SGCD: variants seen among roughly 807,000 people sequenced by gnomAD.
SGCD encodes the protein sarcoglycan delta.
SGCD carries 18 observed loss-of-function variants against 36.6 expected under a neutral mutation model. The ratio of observed to expected loss-of-function variants is 0.49; its 90% CI spans 0.34 to 0.73. The LOEUF (loss-of-function observed/expected upper bound fraction) is 0.73, where lower values mean the gene tolerates loss of function less well. Among genes scored for constraint, SGCD ranks in the 30% least tolerant of loss-of-function variants. The pLI is 0.01. For missense variants in SGCD, 387 were observed against 346.7 expected, an observed-to-expected ratio of 1.12 and a Z score of -0.92; for synonymous variants, 133 against 130.6, an observed-to-expected ratio of 1.02 and a Z score of -0.12.
chr5:156,463,739 A>G (rs947297823), intron 3 of SGCD, among the ~76,000 whole-genome samples: 6 of 152,124 alleles, frequency 3.9e-5, no homozygotes, highest in African/African-American at 1.4e-4. Context: ...GCGTGCTAGT[A>G]ATCCCAACAC....
chr5:156,201,487 T>G (rs1764149895), intron 3 of SGCD, among the ~76,000 whole-genome samples: 1 of 152,164 alleles, frequency 6.6e-6, no homozygotes, highest in Non-Finnish European at 1.5e-5. Flanking sequence ...TGTCTTACGT[T>G]GACATTAAAG....
At chr5:156,019,400 GA>G (rs147274023) in intron 1 of SGCD, among the ~76,000 whole-genome samples, 20 of 149,816 alleles carry the variant, frequency 1.3e-4, no homozygotes, top group South Asian at 2.1e-4. Context: ...TCCAAAGGCT[GA>G]AAAAAAAAGC....
chr5:156,672,011 C>G (rs1026770424), intron 7 of SGCD, among the ~76,000 whole-genome samples: 12 of 152,122 alleles, frequency 7.9e-5, no homozygotes, highest in Non-Finnish European at 1.8e-4. Flanking sequence ...GGACCTGCCC[C>G]CATGACCCAA....
chr5:156,486,245 G>C (rs1011157146), intron 3 of SGCD, among the ~76,000 whole-genome samples: 1 of 151,974 alleles, frequency 6.6e-6, no homozygotes, highest in African/African-American at 2.4e-5. Flanking sequence ...GGTGCATCTA[G>C]ATCTTCAGAA....
intron 6 of SGCD, among the ~76,000 whole-genome samples, chr5:156,619,070 G>A (rs1762136240): frequency 6.7e-6 from 1 of 150,300 alleles, no homozygotes; most frequent in Admixed American, 6.6e-5. Flanking sequence ...CTGTTGCCCA[G>A]GCTGGAGTGC....
chr5:156,174,027 A>G (rs745403507), intron 3 of SGCD, among the ~76,000 whole-genome samples: 7 of 152,192 alleles, frequency 4.6e-5, no homozygotes, highest in Non-Finnish European at 8.8e-5. Context: ...TTAAAAACTC[A>G]TTGTAAAGTA....
intron 1 of SGCD, among the ~76,000 whole-genome samples, chr5:156,062,068 G>T (rs1343712385): frequency 3.6e-5 from 3 of 83,812 alleles, no homozygotes; most frequent in Non-Finnish European, 6.5e-5. Context: ...ATCTCCCAAT[G>T]CTATCCCTCC....
At chr5:155,849,511 A>G in the SGCD span, among the ~76,000 whole-genome samples, 1 of 152,080 alleles carries the variant, frequency 6.6e-6, no homozygotes, top group Non-Finnish European at 1.5e-5. Flanking sequence ...GCAAAAATAC[A>G]TTTCCCCCAT....
At chr5:156,342,507 G>A (rs1768714347) in intron 2 of SGCD, among the ~76,000 whole-genome samples, 1 of 152,212 alleles carries the variant, frequency 6.6e-6, no homozygotes, top group Non-Finnish European at 1.5e-5. Context: ...CATAGAATAT[G>A]ATCTGATGGA....
At chr5:156,294,017 A>G (rs183079749) in intron 3 of SGCD, among the ~76,000 whole-genome samples, 1 of 152,088 alleles carries the variant, frequency 6.6e-6, no homozygotes, top group East Asian at 1.9e-4. Context: ...TTCAGAATCG[A>G]TTTGTAGTTT....
intron 1 of SGCD, among the ~76,000 whole-genome samples, chr5:156,080,323 C>A (rs748766303): frequency 6.6e-6 from 1 of 152,150 alleles, no homozygotes; most frequent in African/African-American, 2.4e-5. Flanking sequence ...CTGTGAAGTG[C>A]CTTCTAGGCC....
chr5:156,251,547 G>T (rs540288586), intron 3 of SGCD, among the ~76,000 whole-genome samples: 2 of 149,080 alleles, frequency 1.3e-5, no homozygotes, highest in African/African-American at 2.5e-5. Context: ...ATGGATTCTC[G>T]CTGTGTTGCC....
chr5:156,266,179 G>T (rs1765995692), intron 3 of SGCD, among the ~76,000 whole-genome samples: 1 of 152,174 alleles, frequency 6.6e-6, no homozygotes, highest in Non-Finnish European at 1.5e-5. Flanking sequence ...TTGGAAAAAA[G>T]TACCTATTTT....
At chr5:156,583,357 A>T (rs1469503234) in intron 4 of SGCD, among the ~76,000 whole-genome samples, 1 of 152,204 alleles carries the variant, frequency 6.6e-6, no homozygotes, top group African/African-American at 2.4e-5. Flanking sequence ...ATTGCCAAGC[A>T]ACACGAGGAT....
intron 4 of SGCD, among the ~76,000 whole-genome samples, chr5:156,513,327 C>T (rs971198247): frequency 6.6e-5 from 10 of 152,154 alleles, no homozygotes; most frequent in Non-Finnish European, 1.5e-4. Context: ...TCACATGATG[C>T]TCATGAACCT....
At chr5:156,480,490 C>A (rs892852368) in intron 3 of SGCD, among the ~76,000 whole-genome samples, 1 of 152,168 alleles carries the variant, frequency 6.6e-6, no homozygotes, top group Non-Finnish European at 1.5e-5. Context: ...CAACTTATTT[C>A]ACATGCCCAA....
intron 3 of SGCD, among the ~76,000 whole-genome samples, chr5:156,130,931 G>A (rs113536582): frequency 9.1e-4 from 138 of 152,186 alleles, no homozygotes; most frequent in African/African-American, 3.1e-3. Context: ...GTTTCACCAC[G>A]TTGGCCAGGC....
At chr5:156,621,672 G>A (rs190577124) in intron 6 of SGCD, among the ~76,000 whole-genome samples, 108 of 152,304 alleles carry the variant, frequency 7.1e-4, no homozygotes, top group African/African-American at 2.2e-3. Context: ...CAGTCCAAGC[G>A]TTGGAAGCAC....
chr5:155,826,165 C>A, the SGCD span, among the ~76,000 whole-genome samples: 2 of 152,192 alleles, frequency 1.3e-5, no homozygotes, highest in Non-Finnish European at 1.5e-5. Context: ...TAACCCAAAT[C>A]TGCCTATTGC....
Sources: gnomAD v4.1 joint callset for allele counts (sites outside exome capture counted in the v4.1 genomes callset) on GRCh38, gnomAD v4.1.1 for gene constraint, MANE v1.5 for transcripts, NCBI Gene and HGNC (gene_info 2026-07-23, HGNC 2026-07-21) for gene names.